The following FRMD3 variants were observed in gnomAD, a reference collection of about 807,000 sequenced individuals.
The protein encoded by FRMD3 is FERM domain-containing protein 3.
Under a neutral mutation model 70.2 loss-of-function variants are expected in FRMD3, and 33 were observed. That is an observed-to-expected ratio of 0.47 (90% confidence interval 0.36 to 0.63). The LOEUF (loss-of-function observed/expected upper bound fraction) is 0.63. Among genes scored for constraint, FRMD3 ranks in the 20% least tolerant of loss-of-function variants. The pLI is 0.00. For synonymous variants in FRMD3, 279 were observed against 255.9 expected, an observed-to-expected ratio of 1.09 and a Z score of -0.86; for missense variants, 632 against 711.4, an observed-to-expected ratio of 0.89 and a Z score of 1.27.
At chr9:83,565,817 G>A in the FRMD3 span, among the ~76,000 whole-genome samples, 4 of 152,210 alleles carry the variant, frequency 2.6e-5, no homozygotes, top group African/African-American at 7.2e-5. Flanking sequence ...CAATACGGCA[G>A]GCCAGTGGAG....
chr9:83,270,879 G>A (rs1234231895), intron 13 of FRMD3, among the ~76,000 whole-genome samples: 1 of 148,988 alleles, frequency 6.7e-6, no homozygotes, highest in Non-Finnish European at 1.5e-5. Flanking sequence ...AACTGCTCAA[G>A]AGGAAGACTG....
intron 1 of FRMD3, among the ~76,000 whole-genome samples, chr9:83,483,386 GGT>G (rs1230990230): frequency 6.6e-6 from 1 of 152,092 alleles, no homozygotes; most frequent in Non-Finnish European, 1.5e-5. Context: ...CTCAGTCTCA[GGT>G]AGTTCTTTAT....
At chr9:83,462,014 A>G (rs1184005790) in intron 1 of FRMD3, among the ~76,000 whole-genome samples, 3 of 152,134 alleles carry the variant, frequency 2.0e-5, no homozygotes, top group Non-Finnish European at 2.9e-5. Context: ...TCTCTTAGGA[A>G]TACTATTAGC....
intron 7 of FRMD3, among the ~76,000 whole-genome samples, chr9:83,312,810 G>A (rs1835415731): frequency 1.3e-5 from 2 of 151,910 alleles, no homozygotes; most frequent in Non-Finnish European, 2.9e-5. Context: ...AATTGGTGTG[G>A]GATGTGTTCT....
chr9:83,304,953 G>C (rs372748322), intron 10 of FRMD3, among the ~76,000 whole-genome samples: 5 of 152,324 alleles, frequency 3.3e-5, no homozygotes, highest in African/African-American at 1.2e-4. Flanking sequence ...CAGAGCCAGG[G>C]CTTTCAAAAC....
At chr9:83,487,653 T>C (rs1031779433) in intron 1 of FRMD3, among the ~76,000 whole-genome samples, 1 of 152,174 alleles carries the variant, frequency 6.6e-6, no homozygotes, top group African/African-American at 2.4e-5. Context: ...AGAGCCCTTA[T>C]AAGCCTGGAG....
intron 6 of FRMD3, among the ~76,000 whole-genome samples, chr9:83,328,470 C>G (rs1032176500): frequency 1.3e-5 from 2 of 152,158 alleles, no homozygotes; most frequent in Non-Finnish European, 2.9e-5. Flanking sequence ...GCTTTGGACT[C>G]CAAGGATCCC....
At chr9:83,353,771 T>C (rs889286182) in intron 3 of FRMD3, among the ~76,000 whole-genome samples, 4 of 152,208 alleles carry the variant, frequency 2.6e-5, no homozygotes, top group African/African-American at 9.6e-5. Context: ...GGAATAAAAT[T>C]CAGGGACTCT....
intron 3 of FRMD3, among the ~76,000 whole-genome samples, chr9:83,367,434 T>C (rs1178107331): frequency 6.6e-6 from 1 of 152,168 alleles, no homozygotes; most frequent in Non-Finnish European, 1.5e-5. Context: ...GCAGAATACA[T>C]GCAGCAACTA....
chr9:83,252,153 C>T (rs1159566508), intron 13 of FRMD3, among the ~76,000 whole-genome samples: 1 of 152,194 alleles, frequency 6.6e-6, no homozygotes. Context: ...CAAAGGGAAA[C>T]TCATCAGACT....
rs1448669865 is a variant in FRMD3 at position 83,247,641 on chromosome 9, T to TA, written c.*276dup. ...CAGTCCAATGTAACATGTATTATGA[T>TA]ATAATAGATGAAGGGTATGTCTACA... On this transcript the variant is annotated 3_prime_UTR_variant, in exon 14 of 14. Coordinates refer to ENST00000304195, the MANE Select transcript of FRMD3 (RefSeq NM_174938.6). 8.2e-6 allele frequency: 9 copies of TA among 1,093,888 alleles called. No individual in the cohort carries two copies. Among genetic ancestry groups the TA allele is most frequent in the Non-Finnish European group, 9.1e-6 (8 of 883,264 alleles). The allele number at this position is 1,093,888 out of a possible 1,614,324, so 67.8% of individuals were successfully genotyped here.
chr9:83,342,701 TAGATAGA>T, intron 5 of FRMD3, among the ~76,000 whole-genome samples: 1 of 129,624 alleles, frequency 7.7e-6, no homozygotes, highest in African/African-American at 3.0e-5. Flanking sequence ...ATTAGATAGA[TAGATAGA>T]TAGATAGATA....
chr9:83,583,375 T>C, the FRMD3 span, among the ~76,000 whole-genome samples: 5 of 152,094 alleles, frequency 3.3e-5, no homozygotes, highest in South Asian at 6.2e-4. Context: ...TTTCTAGCAA[T>C]ACCATCAGCA....
At chr9:83,437,957 G>A (rs953273579) in intron 1 of FRMD3, among the ~76,000 whole-genome samples, 6 of 152,088 alleles carry the variant, frequency 3.9e-5, no homozygotes, top group African/African-American at 1.2e-4. Context: ...GAGAGAAGGG[G>A]GCATGTGAGG....
rs76378296 is a variant in FRMD3, at chr9:83,246,352, G to A, written c.*1566C>T. The A allele has an allele frequency of 0.01, 10,094 of 981,378 alleles. 52 individuals are homozygous for A. The highest frequency in any genetic ancestry group is 0.012 in the Non-Finnish European group (9,595 of 826,382). The allele number at this position is 981,378 out of a possible 1,614,324, so 60.8% of individuals were successfully genotyped here. ...AGTCTGCATGGGAAGGCATCAGTAC[G>A]TTGCTGATGGTACAATGCTCTAGTA... On this transcript the variant is annotated 3_prime_UTR_variant, in exon 14 of 14. Transcript: ENST00000304195.
intron 1 of FRMD3, among the ~76,000 whole-genome samples, chr9:83,443,287 C>T (rs184680023): frequency 1.3e-5 from 2 of 152,276 alleles, no homozygotes; most frequent in East Asian, 1.9e-4. Context: ...CTATCCCTCC[C>T]CTACGCCCCC....
intron 1 of FRMD3, among the ~76,000 whole-genome samples, chr9:83,527,449 A>C (rs1219818357): frequency 6.6e-6 from 1 of 152,118 alleles, no homozygotes; most frequent in East Asian, 1.9e-4. Flanking sequence ...ACATCTACTC[A>C]AAGAAATGCG....
chr9:83,479,739 GAA>G lies in FRMD3; in HGVS notation c.147+58344_147+58345del, dbSNP rs61541328. On this transcript the variant is annotated intron_variant, in intron 1 of 13. Transcript: ENST00000304195. Reference sequence around the variant, plus strand: ...AAGAAAGAAAAGAAAGGGAAAGAAAGAAAAAGAAAAGAGAAGAAGAAGGGAGG... The same window carrying G: ...AAGAAAGAAAAGAAAGGGAAAGAAAGAAAGAAAAGAGAAGAAGAAGGGAGG... Among the ~76,000 whole-genome samples the G allele has an allele frequency of 2.6e-3, 216 of 83,492 alleles. 3 individuals carry two copies. The highest frequency in any genetic ancestry group is 8.4e-3 in the African/African-American group (180 of 21,408). The allele number at this position is 83,492 out of a possible 152,430, so 54.8% of individuals were successfully genotyped here.
chr9:83,271,788 G>A (rs1347464010), intron 13 of FRMD3, among the ~76,000 whole-genome samples: 1 of 152,142 alleles, frequency 6.6e-6, no homozygotes, highest in Non-Finnish European at 1.5e-5. Context: ...TGTAGAGTCT[G>A]GGGAAAGGTC....
Sources: gnomAD v4.1 joint callset for allele counts (sites outside exome capture counted in the v4.1 genomes callset) on GRCh38, gnomAD v4.1.1 for gene constraint, MANE v1.5 for transcripts, NCBI Gene and HGNC (gene_info 2026-07-23, HGNC 2026-07-21) for gene names.